The following CLDN16 variants were observed in gnomAD, a reference collection of about 807,000 sequenced individuals.
CLDN16 encodes the protein claudin 16, also known as claudin-16.
Under a neutral mutation model 24.6 loss-of-function variants are expected in CLDN16, and 13 were observed. The ratio of observed to expected loss-of-function variants is 0.53; its 90% CI spans 0.34 to 0.84. The LOEUF (loss-of-function observed/expected upper bound fraction) is 0.84, where lower values mean the gene tolerates loss of function less well. Ranked by LOEUF, CLDN16 falls within the 40% of genes least tolerant of loss-of-function variation. The probability of loss-of-function intolerance (pLI) is 0.01; values close to 1 mark genes in which losing one functional copy is unlikely to be tolerated. For synonymous variants in CLDN16, 116 were observed against 106.7 expected, an observed-to-expected ratio of 1.09 and a Z score of -0.54; for missense variants, 298 against 292.7, an observed-to-expected ratio of 1.02 and a Z score of -0.13.
At chr3:190,332,774 ATT>A (rs5855323) in intron 1 of CLDN16, among the ~76,000 whole-genome samples, 7 of 147,918 alleles carry the variant, frequency 4.7e-5, no homozygotes, top group South Asian at 2.1e-4. Flanking sequence ...GCAGAGCATG[ATT>A]TTTTTTTTTT....
the CLDN16 span, chr3:190,306,270 G>A: frequency 2.0e-5 from 3 of 152,138 alleles, no homozygotes; most frequent in African/African-American, 7.2e-5. Context: ...GAAAGCATCG[G>A]GCCATACTCA....
intron 1 of CLDN16, among the ~76,000 whole-genome samples, chr3:190,350,357 T>C (rs1717645698): frequency 6.7e-6 from 1 of 149,892 alleles, no homozygotes; most frequent in Admixed American, 6.7e-5. Flanking sequence ...TATATATATA[T>C]ATATATATAC....
the CLDN16 span, chr3:190,307,150 A>C: frequency 2.6e-5 from 4 of 152,662 alleles, no homozygotes; most frequent in Non-Finnish European, 5.9e-5. Context: ...GATAGAAAAA[A>C]GAGGTAGAAA....
In CLDN16 at chr3:190,381,538, ATACT is replaced by A. The variant is rs1372567695; in HGVS notation, n.306+6940_306+6943del. On this transcript the variant is annotated intron_variant and non_coding_transcript_variant, in intron 3 of 4. Coordinates refer to the CLDN16 transcript ENST00000468220. Reference sequence around the variant, plus strand: ...TACTCACTCACTGCTTCTTAATTTAATACTTACTCCTACTGCCTCTAGGCCCTTG... The same window carrying A: ...TACTCACTCACTGCTTCTTAATTTAATACTCCTACTGCCTCTAGGCCCTTG... Among the ~76,000 whole-genome samples the A allele has an allele frequency of 3.9e-5, 6 of 152,078 alleles. No homozygotes were observed. The South Asian group carries it at 6.2e-4, about 16-fold the overall frequency.
Position 190,352,141 on chromosome 3 carries a change from GTTT to G in CLDN16, n.122-18741_122-18739del, listed in dbSNP as rs552144315. 1.7e-3 allele frequency among the ~76,000 whole-genome samples: 249 copies of G among 145,118 alleles called. 2 individuals carry two copies. Among genetic ancestry groups the G allele is most frequent in the African/African-American group, 5.1e-3 (201 of 39,792 alleles). On this transcript the variant is annotated intron_variant and non_coding_transcript_variant, in intron 1 of 4. Transcript: ENST00000468220. ...CTGAAACTAGAAGGCAATTGAAAAA[GTTT>G]TTTTTTTTTTAAAAAAAGACAAATA...
At position 190,389,454 on chromosome 3, in the gene CLDN16, ACT is replaced by A. The variant is rs549010480; in HGVS notation, c.114+1015_114+1016del. Among the ~76,000 whole-genome samples, 224 of 152,262 alleles carry A rather than the reference ACT, an allele frequency of 1.5e-3. 1 individual carries two copies. Among genetic ancestry groups the A allele is most frequent in the Non-Finnish European group, 1.7e-3 (117 of 68,024 alleles). ...TTTTTCTTCTAATTTTCTTTATTAA[ACT>A]CTCAAATTGGAGTTCCAAATGGAAA... On this transcript the variant is annotated intron_variant, in intron 1 of 4. Coordinates refer to ENST00000264734, the MANE Select transcript of CLDN16 (RefSeq NM_006580.4).
the CLDN16 span, among the ~76,000 whole-genome samples, chr3:190,296,052 T>C: frequency 6.6e-6 from 1 of 152,196 alleles, no homozygotes; most frequent in Non-Finnish European, 1.5e-5. Context: ...GCCTCATTGA[T>C]CTGACTTGAG....
At chr3:190,322,340 C>A, upstream of CLDN16, 1 of 812,530 alleles carries the variant, frequency 1.2e-6, no homozygotes, top group Non-Finnish European at 2.0e-6. Context: ...CTGCTCGCTG[C>A]GCCGCCGCTG....
the CLDN16 span, chr3:190,312,910 C>T: frequency 7.4e-6 from 12 of 1,614,214 alleles, no homozygotes; most frequent in Non-Finnish European, 1.0e-5. Flanking sequence ...GACAGCCATC[C>T]TCATCTTCTG....
chr3:190,297,607 T>C, the CLDN16 span, among the ~76,000 whole-genome samples: 52 of 137,340 alleles, frequency 3.8e-4, no homozygotes, highest in African/African-American at 1.3e-3. Context: ...AATATATATC[T>C]ATAATATCTA....
chr3:190,344,741 G>C (rs1717515191), intron 1 of CLDN16, among the ~76,000 whole-genome samples: 1 of 151,918 alleles, frequency 6.6e-6, no homozygotes, highest in South Asian at 2.1e-4. Flanking sequence ...CATGTGATTA[G>C]GTTATAGAAT....
intron 1 of CLDN16, among the ~76,000 whole-genome samples, chr3:190,353,442 A>G (rs933974141): frequency 1.3e-5 from 2 of 152,104 alleles, no homozygotes; most frequent in Non-Finnish European, 2.9e-5. Context: ...TAATAAAAAC[A>G]TAAATAAATG....
rs181294177 is a variant in CLDN16 at position 190,350,325 on chromosome 3, A to G, written n.122-20568A>G. Among the ~76,000 whole-genome samples the G allele has an allele frequency of 1.0e-4, 14 of 134,808 alleles. 1 individual carries two copies. In the East Asian group the frequency reaches 3.0e-3, roughly 29 times the overall value. 88.4% of individuals were successfully genotyped at this position (134,808 alleles called of 152,430 possible). On this transcript the variant is annotated intron_variant and non_coding_transcript_variant, in intron 1 of 4. Coordinates refer to the CLDN16 transcript ENST00000468220. ...ACATAAAAGCAGTACTTGAAGTTTA[A>G]GAATCATAGTTCATAATGTTATATA...
chr3:190,322,563 G>C (rs1716960152), exon 1 of CLDN16: 2 of 309,500 alleles, frequency 6.5e-6, no homozygotes, highest in Non-Finnish European at 1.2e-5. Context: ...GGAGCGCCCG[G>C]TTGGGGAACG....
chr3:190,360,571 A>G (rs1488382427), intron 1 of CLDN16, among the ~76,000 whole-genome samples: 3 of 151,966 alleles, frequency 2.0e-5, no homozygotes, highest in South Asian at 2.1e-4. Context: ...GTCCATTTGT[A>G]TTATATTCCA....
At chr3:190,409,368 C>A (rs577669452) in intron 4 of CLDN16, among the ~76,000 whole-genome samples, 1 of 150,948 alleles carries the variant, frequency 6.6e-6, no homozygotes, top group Admixed American at 6.6e-5. Context: ...TCTATATATA[C>A]AATTATACCT....
chr3:190,361,258 A>C (rs1008944747), intron 1 of CLDN16, among the ~76,000 whole-genome samples: 4 of 152,008 alleles, frequency 2.6e-5, no homozygotes, highest in Non-Finnish European at 5.9e-5. Context: ...ATTGGCTTTA[A>C]CTATTGCATT....
chr3:190,329,478 C>T (rs566062169), intron 1 of CLDN16, among the ~76,000 whole-genome samples: 1 of 152,184 alleles, frequency 6.6e-6, no homozygotes, highest in African/African-American at 2.4e-5. Context: ...GAAGCTCAAC[C>T]TTTTGAATTT....
At chr3:190,376,428 T>C (rs1718250778) in intron 3 of CLDN16, among the ~76,000 whole-genome samples, 1 of 151,712 alleles carries the variant, frequency 6.6e-6, no homozygotes, top group Admixed American at 6.6e-5. Flanking sequence ...AGCTGAGAAC[T>C]TGGTGGGAGA....
Sources: allele counts gnomAD v4.1 joint callset (sites outside exome capture counted in the v4.1 genomes callset), GRCh38; gene constraint gnomAD v4.1.1; transcripts MANE v1.5; gene names NCBI Gene and HGNC (gene_info 2026-07-23, HGNC 2026-07-21).